Variants in HMX1 observed in about 807,000 individuals in gnomAD.
The protein encoded by HMX1 is homeobox protein HMX1.
In HMX1, 8 loss-of-function variants were observed where a neutral mutation model predicts 8.9. The observed-to-expected ratio is 0.90, with a 90% CI of 0.53 to 1.63. The LOEUF (loss-of-function observed/expected upper bound fraction) is 1.63. Among genes scored for constraint, HMX1 ranks in the 40% most tolerant of loss-of-function variants. HMX1 has a pLI of 0.00. For synonymous variants in HMX1, 311 were observed against 283.4 expected (o/e 1.10, Z -0.98); for missense variants, 621 against 558.5 (o/e 1.11, Z -1.13).
Position 8,871,396 on chromosome 4 carries a change from CG to C in HMX1, c.218del (p.Ala73GlyfsTer152). On this transcript the variant is annotated frameshift_variant, in exon 1 of 2. Transcript: ENST00000400677. LOFTEE classifies it high-confidence loss of function. This position sits in a 1 kb window ranked among gnomAD's most constrained non-coding sequence, Gnocchi z 4.8. ...GCGCCTCCCCGCCGGGCCCGGTGCC[CG>C]CGAGCAACTGTCGCCGCCGCTGTAG... ...RRLQRRRQLL[A>X]GTGPGGEARA... is the part of the protein sequence containing the mutation. 8.0e-7 allele frequency: 1 copy of C among 1,256,856 alleles called. No homozygotes were observed. The highest frequency in any genetic ancestry group is 2.2e-5 in the South Asian group (1 of 45,158). 77.9% of individuals were successfully genotyped at this position (1,256,856 alleles called of 1,614,324 possible).
At chr4:8,866,093 C>G (rs1721986544), downstream of HMX1, among the ~76,000 whole-genome samples, 1 of 152,048 alleles carries the variant, frequency 6.6e-6, no homozygotes, top group African/African-American at 2.4e-5. Context: ...TTGCTGGAAC[C>G]CTGGCCTCAC....
At chr4:8,865,548 G>A (rs1721969018), downstream of HMX1, among the ~76,000 whole-genome samples, 1 of 152,090 alleles carries the variant, frequency 6.6e-6, no homozygotes, top group Non-Finnish European at 1.5e-5. Context: ...TCGCAGCGAT[G>A]TGTCCCGGTG....
intron 1 of HMX1, among the ~76,000 whole-genome samples, chr4:8,860,305 T>C (rs915477745): frequency 4.2e-4 from 64 of 152,330 alleles, no homozygotes; most frequent in African/African-American, 1.4e-3. Flanking sequence ...GGCCCGTGCG[T>C]TGAGCGCCTC....
downstream of HMX1, among the ~76,000 whole-genome samples, chr4:8,865,621 T>C (rs1184371454): frequency 2.6e-5 from 4 of 151,348 alleles, no homozygotes; most frequent in Admixed American, 6.6e-5. Flanking sequence ...GGAGCCTGAG[T>C]CAGGGGTGCG....
At chr4:8,858,340 A>C (rs896389873) in intron 1 of HMX1, among the ~76,000 whole-genome samples, 3 of 152,132 alleles carry the variant, frequency 2.0e-5, no homozygotes, top group Non-Finnish European at 4.4e-5. Context: ...GCCGACCGGC[A>C]GAGAAAGAGC....
chr4:8,861,293 C>G (rs1276540576), intron 1 of HMX1, among the ~76,000 whole-genome samples: 1 of 151,600 alleles, frequency 6.6e-6, no homozygotes, highest in Non-Finnish European at 1.5e-5. Flanking sequence ...ACTGCCCGAC[C>G]GGGCGACGCG....
chr4:8,864,888 G>A (rs770655395), downstream of HMX1, among the ~76,000 whole-genome samples: 41 of 152,192 alleles, frequency 2.7e-4, no homozygotes, highest in East Asian at 9.6e-4. Context: ...TCTCCAGCCC[G>A]ATTTTTAATT....
Position 8,867,239 on chromosome 4 carries a change from C to T in HMX1, c.*454G>A. 2.0e-6 allele frequency: 2 copies of T among 986,056 alleles called. No individual in the cohort carries two copies. The highest frequency in any genetic ancestry group is 2.4e-6 in the Non-Finnish European group (2 of 830,366). 61.1% of individuals were successfully genotyped at this position (986,056 alleles called of 1,614,324 possible). On this transcript the variant is annotated 3_prime_UTR_variant, in exon 2 of 2. Transcript: ENST00000400677. ...GGGTAGCACAGCCCTCCGGGCCGGC[C>T]TGCTGTCTGGGTCCCAGGAAAGGGA...
chr4:8,857,060 G>A (rs532686685), intron 1 of HMX1, among the ~76,000 whole-genome samples: 1 of 152,302 alleles, frequency 6.6e-6, no homozygotes, highest in African/African-American at 2.4e-5. Context: ...CTCCAGCCTG[G>A]GCGACACAGC....
Position 8,847,170 on chromosome 4 carries a change from A to C in HMX1, c.395-846T>G, listed in dbSNP as rs998228886. On this transcript the variant is annotated intron_variant, in intron 1 of 1. Transcript: ENST00000506970. The surrounding 1 kb of genome is among the most constrained non-coding windows in gnomAD (Gnocchi z 6.0). ...CAAAGCCATTGAGCCGGGCGTGGTGAGGGATGCCTGTAATCCCAGCTACTT... is the reference window on the plus strand; with the variant it reads ...CAAAGCCATTGAGCCGGGCGTGGTGCGGGATGCCTGTAATCCCAGCTACTT... 1.3e-5 allele frequency among the ~76,000 whole-genome samples: 2 copies of C among 152,144 alleles called. No individual in the cohort carries two copies. The highest frequency in any genetic ancestry group is 1.3e-4 in the Admixed American group (2 of 15,274).
chr4:8,869,150 G>A (rs1483378637), intron 1 of HMX1, among the ~76,000 whole-genome samples: 1 of 152,188 alleles, frequency 6.6e-6, no homozygotes, highest in Non-Finnish European at 1.5e-5. Context: ...TCAGCCTCAT[G>A]GGTTTGGGCT....
rs1722105727 is a variant in HMX1, at chr4:8,868,451, G to A, written c.395-106C>T. ...TTGAGGTCGCTCACAGCCACAAGCAGGAAGACCTTCCAGCACAGGGCTGGG... is the reference window on the plus strand; with the variant it reads ...TTGAGGTCGCTCACAGCCACAAGCAAGAAGACCTTCCAGCACAGGGCTGGG... On this transcript the variant is annotated intron_variant, in intron 1 of 1. Coordinates refer to ENST00000400677, the MANE Select transcript of HMX1 (RefSeq NM_018942.3). The surrounding 1 kb of genome is among the most constrained non-coding windows in gnomAD (Gnocchi z 4.6). The A allele has an allele frequency of 8.9e-6, 8 of 897,058 alleles. No individual in the cohort carries two copies. Among genetic ancestry groups the A allele is most frequent in the Non-Finnish European group, 1.2e-5 (8 of 676,474 alleles). The allele number at this position is 897,058 out of a possible 1,614,324, so 55.6% of individuals were successfully genotyped here.
At position 8,871,181 on chromosome 4, in the gene HMX1, GC is replaced by G; in HGVS notation, c.394+39del. On this transcript the variant is annotated intron_variant, in intron 1 of 1. Coordinates refer to ENST00000400677, the MANE Select transcript of HMX1 (RefSeq NM_018942.3). This position sits in a 1 kb window ranked among gnomAD's most constrained non-coding sequence, Gnocchi z 4.8. ...AGCAAATGCGCAGGGAGGAAGTCGG[GC>G]CCCACCGCCTGACCCACCCTCCCCG... The G allele has an allele frequency of 7.3e-7, 1 of 1,365,412 alleles. No individual in the cohort carries two copies. Among genetic ancestry groups the G allele is most frequent in the South Asian group, 1.5e-5 (1 of 65,186 alleles). 84.6% of individuals were successfully genotyped at this position (1,365,412 alleles called of 1,614,324 possible).
intron 1 of HMX1, among the ~76,000 whole-genome samples, chr4:8,855,985 G>A (rs1303618110): frequency 2.6e-5 from 4 of 152,232 alleles, no homozygotes; most frequent in Non-Finnish European, 5.9e-5. Flanking sequence ...ATGCTGGAAG[G>A]GAGCTTGGGG....
At chr4:8,864,765 T>C (rs1034852137), downstream of HMX1, among the ~76,000 whole-genome samples, 3 of 152,212 alleles carry the variant, frequency 2.0e-5, no homozygotes, top group Admixed American at 1.3e-4. Context: ...GTTTTCTCTC[T>C]TAACAGTGTT....
chr4:8,852,550 G>A (rs777135112), intron 1 of HMX1, among the ~76,000 whole-genome samples: 105 of 152,306 alleles, frequency 6.9e-4, no homozygotes, highest in African/African-American at 2.4e-3. Context: ...CTGCACACGC[G>A]GGGCCTGGGT....
At position 8,868,006 on chromosome 4, in the gene HMX1, G is replaced by A. The variant is rs1722072597; in HGVS notation, c.734C>T (p.Thr245Met). Residue 245 changes from threonine (T) to methionine (M), a missense_variant, in exon 2 of 2, where the codon ACG becomes ATG. Physicochemically the swap from Thr to Met is moderately conservative, Grantham distance 81. Coordinates refer to ENST00000400677, the MANE Select transcript of HMX1 (RefSeq NM_018942.3). This position sits in a 1 kb window ranked among gnomAD's most constrained non-coding sequence, Gnocchi z 4.6. ...GLAASLQLTETQVKIWFQNRR... is the reference protein window; with the variant it reads ...GLAASLQLTEMQVKIWFQNRR... Reference sequence around the variant, plus strand: ...GTTCTGGAACCAGATCTTAACCTGCGTCTCGGTGAGCTGCAGGGAGGCGGC... The same window carrying A: ...GTTCTGGAACCAGATCTTAACCTGCATCTCGGTGAGCTGCAGGGAGGCGGC... The A allele has an allele frequency of 1.9e-6, 3 of 1,543,654 alleles. No homozygotes were observed. The highest frequency in any genetic ancestry group is 2.4e-5 in the South Asian group (2 of 84,010).
At chr4:8,862,160 G>T (rs980642352), downstream of HMX1, among the ~76,000 whole-genome samples, 2 of 152,272 alleles carry the variant, frequency 1.3e-5, no homozygotes, top group African/African-American at 4.8e-5. Flanking sequence ...TGGAAAAGAG[G>T]AAGGGTTAAG....
downstream of HMX1, among the ~76,000 whole-genome samples, chr4:8,863,145 C>T (rs1281698898): frequency 1.3e-5 from 2 of 152,306 alleles, no homozygotes; most frequent in African/African-American, 4.8e-5. Context: ...CATATGAGTG[C>T]ACAGGCGGGG....
Sources: gnomAD v4.1 joint callset for allele counts (sites outside exome capture counted in the v4.1 genomes callset) on GRCh38, gnomAD v4.1.1 for gene constraint, Gnocchi (gnomAD v3.1) non-coding constraint, MANE v1.5 for transcripts, NCBI Gene and HGNC (gene_info 2026-07-23, HGNC 2026-07-21) for gene names.